The following SFMBT2 variants were observed in gnomAD, a reference collection of about 807,000 sequenced individuals.
SFMBT2 encodes the protein Scm like with four mbt domains 2, also known as scm-like with four MBT domains protein 2.
Under a neutral mutation model 110.1 loss-of-function variants are expected in SFMBT2, and 38 were observed. The ratio of observed to expected loss-of-function variants is 0.35; its 90% confidence interval spans 0.27 to 0.45. The LOEUF (loss-of-function observed/expected upper bound fraction) is 0.45. Ranked by LOEUF, SFMBT2 falls within the 20% of genes least tolerant of loss-of-function variation. The pLI is 1.00. For synonymous variants in SFMBT2, 425 were observed against 425.4 expected (o/e 1.00, Z 0.01); for missense variants, 1,011 against 1,094.9 (o/e 0.92, Z 1.08).
chr10:7,268,668 G>A (rs964684491), intron 7 of SFMBT2, among the ~76,000 whole-genome samples: 70 of 151,986 alleles, frequency 4.6e-4, no homozygotes, highest in African/African-American at 1.6e-3. Flanking sequence ...CCACCACCAC[G>A]CCCAGCTAAT....
chr10:7,273,018 C>T (rs1254546439), intron 7 of SFMBT2, among the ~76,000 whole-genome samples: 3 of 152,282 alleles, frequency 2.0e-5, no homozygotes, highest in East Asian at 1.9e-4. Flanking sequence ...TGGTCTAGAA[C>T]TCCTGACCTC....
chr10:7,277,032 G>C (rs375166732), intron 6 of SFMBT2, 43 bp from the exon 7 acceptor site: 1 of 831,024 alleles, frequency 1.2e-6, no homozygotes, highest in Admixed American at 1.7e-5. Context: ...GGACTAACAC[G>C]TTCTGCCGGG....
At chr10:7,322,996 CA>C (rs1301846257) in intron 4 of SFMBT2, among the ~76,000 whole-genome samples, 1 of 152,050 alleles carries the variant, frequency 6.6e-6, no homozygotes, top group African/African-American at 2.4e-5. Context: ...TAAAAATGTG[CA>C]AAAGACAACC....
At chr10:7,230,400 A>G (rs1055571204) in intron 9 of SFMBT2, among the ~76,000 whole-genome samples, 6 of 152,116 alleles carry the variant, frequency 3.9e-5, no homozygotes, top group Non-Finnish European at 1.5e-5. Context: ...AATTAAGAAA[A>G]CCCTCCACTT....
At chr10:7,191,486 C>T (rs566374564) in intron 15 of SFMBT2, among the ~76,000 whole-genome samples, 1 of 152,370 alleles carries the variant, frequency 6.6e-6, no homozygotes, top group Admixed American at 6.5e-5. Context: ...CTGCTCTGTT[C>T]TTCTCTTAGG....
intron 1 of SFMBT2, among the ~76,000 whole-genome samples, chr10:7,384,115 G>A (rs1323388929): frequency 6.8e-6 from 1 of 146,976 alleles, no homozygotes; most frequent in Non-Finnish European, 1.5e-5. Context: ...GGAAGCTGAG[G>A]CAGGAGAATC....
In SFMBT2 at chr10:7,172,799, A is replaced by C. The variant is rs958290168; in HGVS notation, c.1985-138T>G. 5 of 1,104,006 alleles carry C rather than the reference A, an allele frequency of 4.5e-6. No homozygotes were observed. The highest frequency in any genetic ancestry group is 1.6e-5 in the African/African-American group (1 of 63,396). The allele number at this position is 1,104,006 out of a possible 1,614,324, so 68.4% of individuals were successfully genotyped here. On this transcript the variant is annotated intron_variant, in intron 17 of 20. Coordinates refer to ENST00000397167, the MANE Select transcript of SFMBT2 (RefSeq NM_001387889.1). The surrounding 1 kb of genome is among the most constrained non-coding windows in gnomAD (Gnocchi z 4.6). Reference sequence around the variant, plus strand: ...CCTTACGAAGTCATTCTGAGAAAACAGACCCACAGGAGAAGCACTGCTCCA... The same window carrying C: ...CCTTACGAAGTCATTCTGAGAAAACCGACCCACAGGAGAAGCACTGCTCCA...
intron 2 of SFMBT2, among the ~76,000 whole-genome samples, chr10:7,374,432 G>A (rs1485651035): frequency 6.6e-5 from 10 of 152,136 alleles, no homozygotes; most frequent in Non-Finnish European, 1.2e-4. Context: ...CCAATTTTCA[G>A]CCTCAACACT....
intron 4 of SFMBT2, among the ~76,000 whole-genome samples, chr10:7,298,647 ATATGTGTG>A (rs1273354525): frequency 6.6e-6 from 1 of 152,124 alleles, no homozygotes; most frequent in Non-Finnish European, 1.5e-5. Flanking sequence ...ATGTGTATGT[ATATGTGTG>A]TATGTATGTG....
chr10:7,388,482 C>G (rs986212653), intron 1 of SFMBT2, among the ~76,000 whole-genome samples: 2 of 150,850 alleles, frequency 1.3e-5, no homozygotes, highest in African/African-American at 4.9e-5. Context: ...CTCAGTCTCC[C>G]GAGTAGCTGG....
At position 7,285,872 on chromosome 10, in the gene SFMBT2, C is replaced by A. The variant is rs750782016; in HGVS notation, c.519G>T (p.Leu173=). 7 of 872,672 alleles carry A rather than the reference C, an allele frequency of 8.0e-6. No homozygotes were observed. Among genetic ancestry groups the A allele is most frequent in the Non-Finnish European group, 1.0e-5 (5 of 501,598 alleles). 54.1% of individuals were successfully genotyped at this position (872,672 alleles called of 1,614,324 possible). The change falls in exon 5 of 21, where the codon CTG becomes CTT. Residue 173 remains leucine (L), a synonymous_variant. Coordinates refer to ENST00000397167, the MANE Select transcript of SFMBT2 (RefSeq NM_001387889.1). Reference sequence around the variant, plus strand: ...GTATAACAACAATACATACACCTTCCAGGAGGTTGGCGGGTGCTGTCCTCG... The same window carrying A: ...GTATAACAACAATACATACACCTTCAAGGAGGTTGGCGGGTGCTGTCCTCG... The part of the protein sequence containing the change: ...TGSRTAPANL[L]EGPLRGKGPI...
chr10:7,161,834 A>T lies in SFMBT2; in HGVS notation c.*1936T>A, dbSNP rs2131499423. The T allele has an allele frequency of 6.6e-6, 1 of 152,362 alleles. No homozygotes were observed. The highest frequency in any genetic ancestry group is 2.1e-4 in the South Asian group (1 of 4,818). 9.4% of individuals were successfully genotyped at this position (152,362 alleles called of 1,614,324 possible). A position where few individuals can be genotyped will look rare whatever the true frequency, so the allele number is the denominator to read the frequency against. On this transcript the variant is annotated 3_prime_UTR_variant, in exon 21 of 21. Transcript: ENST00000397167. ...AATCCCACTGAGAATCATATCTGGA[A>T]ATGTCACAGAAATGCAAGCAGCTCA... is the stretch of plus-strand genomic sequence containing the variant.
At chr10:7,387,083 A>C (rs1355228718) in intron 1 of SFMBT2, among the ~76,000 whole-genome samples, 1 of 152,198 alleles carries the variant, frequency 6.6e-6, no homozygotes, top group African/African-American at 2.4e-5. Context: ...TTAATAACTG[A>C]GCACCTATTG....
chr10:7,284,185 C>T (rs937378859), intron 5 of SFMBT2, 35 bp from the exon 6 acceptor site: 2 of 1,593,350 alleles, frequency 1.3e-6, no homozygotes, highest in Non-Finnish European at 1.7e-6. Flanking sequence ...TTATTTTAAA[C>T]TTTATTTTAA....
intron 4 of SFMBT2, among the ~76,000 whole-genome samples, chr10:7,343,763 T>C (rs1195434872): frequency 1.3e-5 from 2 of 152,212 alleles, no homozygotes; most frequent in African/African-American, 2.4e-5. Flanking sequence ...CATACTGATG[T>C]TGGTGGAATA....
intron 4 of SFMBT2, among the ~76,000 whole-genome samples, chr10:7,337,854 A>T (rs1331374361): frequency 2.0e-5 from 3 of 152,200 alleles, no homozygotes; most frequent in Non-Finnish European, 2.9e-5. Context: ...TTGGACCACA[A>T]TGAGTCATGT....
intron 1 of SFMBT2, among the ~76,000 whole-genome samples, chr10:7,387,604 A>G (rs991011469): frequency 2.6e-5 from 4 of 152,022 alleles, no homozygotes; most frequent in African/African-American, 9.7e-5. Context: ...GAGAGGCTCA[A>G]GAGGAAATGC....
At chr10:7,250,354 C>A (rs1251435891) in intron 7 of SFMBT2, among the ~76,000 whole-genome samples, 1 of 152,188 alleles carries the variant, frequency 6.6e-6, no homozygotes, top group Non-Finnish European at 1.5e-5. Context: ...GCTTTCTGAT[C>A]CTGCATTAGT....
intron 4 of SFMBT2, among the ~76,000 whole-genome samples, chr10:7,296,795 G>A (rs1588427082): frequency 6.6e-6 from 1 of 152,184 alleles, no homozygotes; most frequent in South Asian, 2.1e-4. Context: ...AGTAAAGCAG[G>A]CCGTCCTCCC....
Sources: gnomAD v4.1 joint callset for allele counts (sites outside exome capture counted in the v4.1 genomes callset) on GRCh38, gnomAD v4.1.1 for gene constraint, Gnocchi (gnomAD v3.1) non-coding constraint, MANE v1.5 for transcripts, NCBI Gene and HGNC (gene_info 2026-07-23, HGNC 2026-07-21) for gene names.